CNGB3: variants seen among roughly 807,000 people sequenced by gnomAD.
The protein encoded by CNGB3 is cyclic nucleotide gated channel subunit beta 3.
A neutral mutation model predicts 92.8 loss-of-function variants in CNGB3; 86 were observed. The ratio of observed to expected loss-of-function variants is 0.93; its 90% CI spans 0.78 to 1.11. The LOEUF (loss-of-function observed/expected upper bound fraction) is 1.11. CNGB3 is among the 50% of genes least tolerant of loss of function. CNGB3 has a pLI of 0.00. For missense variants in CNGB3, 1,026 were observed against 956.8 expected, an observed-to-expected ratio of 1.07 and a Z score of -0.95; for synonymous variants, 333 against 332.7, an observed-to-expected ratio of 1.00 and a Z score of -0.01.
At chr8:86,579,004 T>G in intron 16 of CNGB3, 102 bp downstream of exon 16, 1 of 1,557,742 alleles carries the variant, frequency 6.4e-7, no homozygotes. Flanking sequence ...CATATCTCAC[T>G]GTGATCAAGT....
At chr8:86,672,519 A>G (rs561250575) in intron 3 of CNGB3, among the ~76,000 whole-genome samples, 27 of 152,258 alleles carry the variant, frequency 1.8e-4, no homozygotes, top group African/African-American at 6.0e-4. Context: ...CTCACTGTCT[A>G]TCTTCCTTCC....
At chr8:86,657,392 T>C in intron 6 of CNGB3, 1 of 467,024 alleles carries the variant, frequency 2.1e-6, no homozygotes, top group Non-Finnish European at 4.3e-6. Flanking sequence ...TAGATGATGG[T>C]GATCTTCACC....
Position 86,594,161 on chromosome 8 carries a change from G to C in CNGB3, c.1781+9932C>G, listed in dbSNP as rs946275383. ...CTGGGGACAGCATCCAACGGGGAAT[G>C]TGTCTCCAACGATCACCCACTGGGG... On this transcript the variant is annotated intron_variant, in intron 15 of 17. Transcript: ENST00000320005. The C allele has an allele frequency of 1.8e-5, 5 of 281,192 alleles. No homozygotes were observed. The East Asian group carries it at 4.8e-4, about 27-fold the overall frequency. The allele number at this position is 281,192 out of a possible 1,614,324, so 17.4% of individuals were successfully genotyped here.
rs898522514 is a variant in CNGB3, at chr8:86,629,993, C to A, written c.1321-915G>T. ...CTCATTCATTTTAGTAGCTTTTGAG[C>A]CTTTTCTGCTTATGGAAAAACGACT... is the stretch of plus-strand genomic sequence containing the variant. On this transcript the variant is annotated intron_variant, in intron 11 of 17. Coordinates refer to ENST00000320005, the MANE Select transcript of CNGB3 (RefSeq NM_019098.5). 3.3e-5 allele frequency among the ~76,000 whole-genome samples: 5 copies of A among 152,256 alleles called. No individual in the cohort carries two copies. In the South Asian group the frequency reaches 6.2e-4, roughly 19 times the overall value.
At chr8:86,694,002 C>T (rs1824375653) in intron 3 of CNGB3, among the ~76,000 whole-genome samples, 1 of 151,886 alleles carries the variant, frequency 6.6e-6, no homozygotes, top group Admixed American at 6.5e-5. Context: ...AGAGGGGCTC[C>T]TCACTTCCCA....
At chr8:86,581,108 C>A (rs2131534603) in intron 15 of CNGB3, among the ~76,000 whole-genome samples, 1 of 152,248 alleles carries the variant, frequency 6.6e-6, no homozygotes, top group South Asian at 2.1e-4. Flanking sequence ...TTACTCCTGT[C>A]CTTACAACAA....
intron 5 of CNGB3, among the ~76,000 whole-genome samples, chr8:86,667,338 C>T (rs1318905739): frequency 6.6e-6 from 1 of 152,190 alleles, no homozygotes; most frequent in Non-Finnish European, 1.5e-5. Context: ...ATCACCTCTT[C>T]CGAAAGTGGA....
chr8:86,625,218 A>C (rs773862388), intron 13 of CNGB3, among the ~76,000 whole-genome samples: 1 of 152,124 alleles, frequency 6.6e-6, no homozygotes, highest in Non-Finnish European at 1.5e-5. Context: ...TCACCTCCAC[A>C]CATTTTATGC....
chr8:86,669,798 T>A (rs1264990771), intron 4 of CNGB3, among the ~76,000 whole-genome samples: 1 of 152,174 alleles, frequency 6.6e-6, no homozygotes, highest in Non-Finnish European at 1.5e-5. Context: ...TGTATATATA[T>A]AAATATTTTA....
chr8:86,694,119 C>CGG (rs1372020847), intron 3 of CNGB3, among the ~76,000 whole-genome samples: 1 of 98,890 alleles, frequency 1.0e-5, no homozygotes, highest in African/African-American at 3.9e-5. Context: ...GCTGGCCGGG[C>CGG]GGGGGGCTGA....
intron 6 of CNGB3, chr8:86,657,902 C>A (rs1433432773): frequency 1.3e-5 from 7 of 546,850 alleles, no homozygotes. Context: ...ACGCTGGGAC[C>A]CCTCTGACCA....
Position 86,733,927 on chromosome 8 carries a change from G to T in CNGB3, c.211+5728C>A, listed in dbSNP as rs149981631. Among the ~76,000 whole-genome samples the T allele has an allele frequency of 3.2e-4, 49 of 152,234 alleles. No individual in the cohort carries two copies. The East Asian group carries it at 9.1e-3, about 28-fold the overall frequency. On this transcript the variant is annotated intron_variant, in intron 2 of 17. Coordinates refer to ENST00000320005, the MANE Select transcript of CNGB3 (RefSeq NM_019098.5). ...CAGTCATGCAGGCTGGAGTGCAGTG[G>T]CATGACCATAGCTCACTGTAACCAC...
At chr8:86,633,117 A>G (rs1822994278) in intron 10 of CNGB3, among the ~76,000 whole-genome samples, 1 of 152,204 alleles carries the variant, frequency 6.6e-6, no homozygotes, top group African/African-American at 2.4e-5. Flanking sequence ...AGCCGTTACC[A>G]AAATTTGGTA....
chr8:86,636,591 A>AAT (rs2131588850), intron 10 of CNGB3, among the ~76,000 whole-genome samples: 1 of 150,312 alleles, frequency 6.7e-6, no homozygotes, highest in East Asian at 1.9e-4. Context: ...AAAAAAAAAA[A>AAT]AAAAAAAAAA....
Position 86,667,030 on chromosome 8 carries a change from G to A in CNGB3, c.747C>T (p.Asn249=), listed in dbSNP as rs751638643. 1 of 1,614,020 alleles carries A rather than the reference G, an allele frequency of 6.2e-7. No individual in the cohort carries two copies. Among genetic ancestry groups the A allele is most frequent in the Non-Finnish European group, 8.5e-7 (1 of 1,179,942 alleles). ...TGTCCGCAATAAGCCAGTAGTGTAT[G>A]TTGTCTGCGGTTTGATATGGGAAGA... ...RLVFPYQTAD[N]IHYWLIADII... is the part of the protein sequence containing the mutation. The change falls in exon 6 of 18, where the codon AAC becomes AAT. Residue 249 remains asparagine (N), a synonymous_variant. Coordinates refer to ENST00000320005, the MANE Select transcript of CNGB3 (RefSeq NM_019098.5).
At chr8:86,670,630 T>A (rs1563748940) in intron 4 of CNGB3, among the ~76,000 whole-genome samples, 1 of 151,906 alleles carries the variant, frequency 6.6e-6, no homozygotes, top group Non-Finnish European at 1.5e-5. Context: ...CCCAGGCTGG[T>A]TTCAAATTCC....
intron 1 of CNGB3, among the ~76,000 whole-genome samples, chr8:86,742,570 T>G (rs1347012261): frequency 6.6e-6 from 1 of 152,180 alleles, no homozygotes; most frequent in East Asian, 1.9e-4. Flanking sequence ...CTGCTTGTAC[T>G]TGTCATCTCT....
chr8:86,721,646 A>G (rs1420666272), intron 3 of CNGB3, among the ~76,000 whole-genome samples: 2 of 152,196 alleles, frequency 1.3e-5, no homozygotes, highest in African/African-American at 2.4e-5. Context: ...GGAAAATTTC[A>G]ATATGGGGCT....
intron 15 of CNGB3, among the ~76,000 whole-genome samples, chr8:86,599,588 T>C (rs1210211244): frequency 5.9e-5 from 9 of 151,960 alleles, no homozygotes; most frequent in Admixed American, 5.9e-4. Context: ...AGAGAATGTG[T>C]CCCTGAGGGT....
Sources: allele counts gnomAD v4.1 joint callset (sites outside exome capture counted in the v4.1 genomes callset), GRCh38; gene constraint gnomAD v4.1.1; transcripts MANE v1.5; gene names NCBI Gene and HGNC (gene_info 2026-07-23, HGNC 2026-07-21).